Variants in CDH10 observed in about 807,000 individuals in gnomAD.
The protein encoded by CDH10 is cadherin-10.
In CDH10, 30 loss-of-function variants were observed where a neutral mutation model predicts 73.1. That is an observed-to-expected ratio of 0.41 (90% CI 0.31 to 0.56). The LOEUF is 0.56. Among genes scored for constraint, CDH10 ranks in the 20% least tolerant of loss-of-function variants. The pLI, the probability that CDH10 is intolerant of heterozygous loss-of-function variation, is 0.27. For missense variants in CDH10, 815 were observed against 973.7 expected (o/e 0.84, Z 2.17); for synonymous variants, 345 against 348.2 (o/e 0.99, Z 0.10).
intron 5 of CDH10, among the ~76,000 whole-genome samples, chr5:24,513,785 G>T (rs1233745996): frequency 2.6e-5 from 4 of 152,040 alleles, no homozygotes; most frequent in Admixed American, 6.5e-5. Flanking sequence ...TGCCTTTGCT[G>T]ATTCTTCTTG....
Position 24,525,202 on chromosome 5 carries a change from C to T in CDH10, c.814+9910G>A, listed in dbSNP as rs181080482. Reference sequence around the variant, plus strand: ...TTTTGAGTTTAGCGACAAACAGCTGCTGTTTCTTTTTGTTGATAAAAACCA... The same window carrying T: ...TTTTGAGTTTAGCGACAAACAGCTGTTGTTTCTTTTTGTTGATAAAAACCA... On this transcript the variant is annotated intron_variant, in intron 5 of 11. Transcript: ENST00000264463. 1.1e-3 allele frequency among the ~76,000 whole-genome samples: 173 copies of T among 152,096 alleles called. 1 individual carries two copies. Among genetic ancestry groups the T allele is most frequent in the African/African-American group, 3.9e-3 (161 of 41,534 alleles).
intron 1 of CDH10, among the ~76,000 whole-genome samples, chr5:24,616,411 T>C (rs1162057592): frequency 6.6e-6 from 1 of 152,046 alleles, no homozygotes; most frequent in East Asian, 1.9e-4. Context: ...GATTCTACAC[T>C]TGGGGGTCGG....
intron 5 of CDH10, among the ~76,000 whole-genome samples, chr5:24,513,995 A>G (rs1314524719): frequency 3.3e-5 from 5 of 152,204 alleles, no homozygotes; most frequent in African/African-American, 1.2e-4. Context: ...TATGGAACAT[A>G]AGAATGTAAC....
intron 5 of CDH10, among the ~76,000 whole-genome samples, chr5:24,524,148 A>G (rs1469722452): frequency 6.6e-6 from 1 of 152,126 alleles, no homozygotes; most frequent in African/African-American, 2.4e-5. Context: ...CTTTCTCTGG[A>G]ATTATGTTTA....
At chr5:24,642,364 T>C (rs1239042530) in intron 1 of CDH10, among the ~76,000 whole-genome samples, 1 of 152,180 alleles carries the variant, frequency 6.6e-6, no homozygotes, top group East Asian at 1.9e-4. Context: ...TATTTGCTTA[T>C]ATAAAAAATT....
chr5:24,545,414 A>G (rs923500516), intron 2 of CDH10, among the ~76,000 whole-genome samples: 1 of 152,232 alleles, frequency 6.6e-6, no homozygotes, highest in African/African-American at 2.4e-5. Context: ...CTTCTTTGCT[A>G]TGAGCTATAC....
intron 2 of CDH10, among the ~76,000 whole-genome samples, chr5:24,584,445 C>CTTTTTTTTTTTTTTTTTT (rs34192671): frequency 3.6e-5 from 1 of 28,082 alleles, no homozygotes; most frequent in African/African-American, 8.9e-5. Context: ...CTTTCTTTTC[C>CTTTTTTTTTTTTTTTTTT]TTTTTTTTTT....
At chr5:24,528,265 T>G (rs1743603452) in intron 5 of CDH10, among the ~76,000 whole-genome samples, 1 of 151,852 alleles carries the variant, frequency 6.6e-6, no homozygotes, top group African/African-American at 2.4e-5. Context: ...ATTTTTAATT[T>G]TATTCCCTTC....
intron 1 of CDH10, among the ~76,000 whole-genome samples, chr5:24,639,054 A>C (rs921683789): frequency 2.6e-5 from 4 of 151,648 alleles, no homozygotes; most frequent in African/African-American, 9.7e-5. Context: ...TTAGAGGTTG[A>C]AGATTTATAT....
intron 2 of CDH10, among the ~76,000 whole-genome samples, chr5:24,587,144 G>A (rs1269827719): frequency 2.0e-5 from 3 of 151,914 alleles, no homozygotes; most frequent in African/African-American, 2.4e-5. Context: ...GCGCCCGGCC[G>A]CCCATATTCT....
chr5:24,572,965 A>C (rs34122040), intron 2 of CDH10, among the ~76,000 whole-genome samples: 59,435 of 137,102 alleles, frequency 0.43, 14,515 homozygotes, highest in East Asian at 0.68. Context: ...AAGGAGAAGA[A>C]GAGAAGACAG....
intron 1 of CDH10, among the ~76,000 whole-genome samples, chr5:24,634,479 G>T (rs937550982): frequency 2.0e-5 from 3 of 151,564 alleles, no homozygotes; most frequent in Non-Finnish European, 4.4e-5. Flanking sequence ...AATAAGCCAT[G>T]AGGTTAAATT....
At chr5:24,507,245 T>C (rs2111737606) in intron 7 of CDH10, among the ~76,000 whole-genome samples, 1 of 151,980 alleles carries the variant, frequency 6.6e-6, no homozygotes, top group African/African-American at 2.4e-5. Flanking sequence ...AGAATGTTCA[T>C]TAAATTTCCT....
intron 2 of CDH10, among the ~76,000 whole-genome samples, chr5:24,563,462 A>AAAC (rs1745035655): frequency 6.7e-6 from 1 of 149,654 alleles, no homozygotes; most frequent in African/African-American, 2.5e-5. Context: ...AAAAAAAAAA[A>AAAC]ACTATGTAAA....
chr5:24,619,865 C>T (rs1056117339), intron 1 of CDH10, among the ~76,000 whole-genome samples: 4 of 152,130 alleles, frequency 2.6e-5, no homozygotes, highest in African/African-American at 7.2e-5. Context: ...AAGAGGGCCT[C>T]GCCGTATACT....
chr5:24,615,936 T>TTTA (rs1747111820), intron 1 of CDH10, among the ~76,000 whole-genome samples: 1 of 152,166 alleles, frequency 6.6e-6, no homozygotes, highest in Non-Finnish European at 1.5e-5. Context: ...ACCATAGTGT[T>TTTA]TTAGTGTTTT....
chr5:24,605,530 A>G (rs1324384156), intron 1 of CDH10, among the ~76,000 whole-genome samples: 2 of 152,176 alleles, frequency 1.3e-5, no homozygotes, highest in African/African-American at 2.4e-5. Flanking sequence ...CCATAGAAAA[A>G]CTGTCTTCCA....
intron 2 of CDH10, among the ~76,000 whole-genome samples, chr5:24,560,126 T>G (rs1744903221): frequency 6.6e-6 from 1 of 152,084 alleles, no homozygotes; most frequent in Admixed American, 6.6e-5. Context: ...CAACTTAAAG[T>G]GAGATTTCTT....
intron 1 of CDH10, among the ~76,000 whole-genome samples, chr5:24,611,088 T>A (rs1397262327): frequency 6.6e-6 from 1 of 152,194 alleles, no homozygotes; most frequent in Non-Finnish European, 1.5e-5. Flanking sequence ...CTTACCTTTT[T>A]ATACCCAGCA....
Sources: gnomAD v4.1 joint callset for allele counts (sites outside exome capture counted in the v4.1 genomes callset) on GRCh38, gnomAD v4.1.1 for gene constraint, MANE v1.5 for transcripts, NCBI Gene and HGNC (gene_info 2026-07-23, HGNC 2026-07-21) for gene names.